Variants in KCNH7 observed in about 807,000 individuals in gnomAD.
KCNH7 encodes the protein potassium voltage-gated channel subfamily H member 7.
In KCNH7, 49 loss-of-function variants were observed where a neutral mutation model predicts 120.8. That is an observed-to-expected ratio of 0.41 (90% CI 0.32 to 0.51). The LOEUF (loss-of-function observed/expected upper bound fraction) is 0.51, where lower values mean the gene tolerates loss of function less well. Ranked by LOEUF, KCNH7 falls within the 20% of genes least tolerant of loss-of-function variation. The probability of loss-of-function intolerance (pLI) is 0.38; values close to 1 mark genes in which losing one functional copy is unlikely to be tolerated. For synonymous variants in KCNH7, 547 were observed against 516.1 expected, an observed-to-expected ratio of 1.06 and a Z score of -0.81; for missense variants, 1,097 against 1,446.6, an observed-to-expected ratio of 0.76 and a Z score of 3.92.
chr2:162,726,727 C>A (rs957577150), intron 2 of KCNH7, among the ~76,000 whole-genome samples: 3 of 152,120 alleles, frequency 2.0e-5, no homozygotes, highest in African/African-American at 7.2e-5. Flanking sequence ...GCCTATTATT[C>A]TTTTTTAATG....
rs1339333700 is a variant in KCNH7, at chr2:162,379,917, C to T, written c.3067G>A (p.Glu1023Lys). Residue 1023 changes from glutamate (E) to lysine (K), a missense_variant, in exon 14 of 16, where the codon GAA becomes AAA. Glu to Lys is a moderately conservative substitution (Grantham distance 56, BLOSUM62 1). Around this residue, in one of 8 missense-constraint regions of KCNH7, gnomAD observed 406 missense variants for 410.5 expected, o/e 0.99. Coordinates refer to ENST00000332142, the MANE Select transcript of KCNH7 (RefSeq NM_033272.4). The stretch of plus-strand genomic sequence containing the variant: ...ACTTCCCCGTAGGTGAGGTCGCTTT[C>T]GGTTTCAGAGATACCCCAGGCAGCT... ...QRAAWGISET[E>K]SDLTYGEVEQ... is the part of the protein sequence containing the mutation. The T allele has an allele frequency of 3.7e-6, 6 of 1,613,864 alleles. No homozygotes were observed. Among genetic ancestry groups the T allele is most frequent in the Admixed American group, 1.7e-5 (1 of 59,976 alleles).
Position 162,813,758 on chromosome 2 carries a change from G to T in KCNH7, c.307+22779C>A, listed in dbSNP as rs574677764. On this transcript the variant is annotated intron_variant, in intron 2 of 15. Coordinates refer to ENST00000332142, the MANE Select transcript of KCNH7 (RefSeq NM_033272.4). The stretch of plus-strand genomic sequence containing the variant: ...CATGCCCTAGCTTTATTTAGGATTA[G>T]AAGAAATGAGTTCCAGTGAATTGTA... 8.5e-5 allele frequency among the ~76,000 whole-genome samples: 13 copies of T among 152,202 alleles called. No homozygotes were observed. The South Asian group carries it at 2.1e-3, about 24-fold the overall frequency.
chr2:162,780,023 A>G (rs1178282302), intron 2 of KCNH7, among the ~76,000 whole-genome samples: 1 of 152,202 alleles, frequency 6.6e-6, no homozygotes, highest in Non-Finnish European at 1.5e-5. Flanking sequence ...TAGTGGTGCA[A>G]ATGGATTCAA....
chr2:162,626,452 G>A (rs1683561733), intron 2 of KCNH7, among the ~76,000 whole-genome samples: 1 of 152,084 alleles, frequency 6.6e-6, no homozygotes, highest in South Asian at 2.1e-4. Flanking sequence ...AGAGAAAACT[G>A]GAATTCTGAA....
chr2:162,630,479 A>T (rs1683726362), intron 2 of KCNH7, among the ~76,000 whole-genome samples: 1 of 152,022 alleles, frequency 6.6e-6, no homozygotes, highest in African/African-American at 2.4e-5. Context: ...AAAAAAAGAC[A>T]TGGAAAAAAA....
In KCNH7 at chr2:162,517,749, T is replaced by C; in HGVS notation, c.873A>G (p.Arg291=). The part of the protein sequence containing the change: ...GFGVHPKNIF[R]DRHASEDNGR... ...ACATACCTTCGCTGGCATGTCGGTC[T>C]CTAAATATGTTCTTGGGGTGGACGC... Residue 291 remains arginine (R), a synonymous_variant, in exon 4 of 16, where the codon AGA becomes AGG. Coordinates refer to ENST00000332142, the MANE Select transcript of KCNH7 (RefSeq NM_033272.4). 1 of 1,564,794 alleles carries C rather than the reference T, an allele frequency of 6.4e-7. No individual in the cohort carries two copies. Among genetic ancestry groups the C allele is most frequent in the Non-Finnish European group, 8.7e-7 (1 of 1,148,348 alleles).
chr2:162,527,873 T>G (rs1691767622), intron 3 of KCNH7: 1 of 152,028 alleles, frequency 6.6e-6, no homozygotes, highest in Non-Finnish European at 1.5e-5. Context: ...TAAAATTTAT[T>G]TTTATAGTTC....
At chr2:162,788,257 T>A (rs963273618) in intron 2 of KCNH7, among the ~76,000 whole-genome samples, 1 of 152,232 alleles carries the variant, frequency 6.6e-6, no homozygotes, top group African/African-American at 2.4e-5. Flanking sequence ...AATGCAGTTT[T>A]GACTTATGAT....
intron 2 of KCNH7, among the ~76,000 whole-genome samples, chr2:162,622,553 C>T (rs1683400826): frequency 6.6e-6 from 1 of 152,086 alleles, no homozygotes; most frequent in South Asian, 2.1e-4. Flanking sequence ...CAGTACTTCC[C>T]TTGGTTTCAA....
At chr2:162,472,110 T>C (rs965963299) in intron 6 of KCNH7, among the ~76,000 whole-genome samples, 10 of 152,146 alleles carry the variant, frequency 6.6e-5, no homozygotes, top group African/African-American at 1.7e-4. Context: ...AAGACTTAAA[T>C]GTTAGACCTA....
chr2:162,664,930 C>T (rs1285652413), intron 2 of KCNH7, among the ~76,000 whole-genome samples: 1 of 152,140 alleles, frequency 6.6e-6, no homozygotes, highest in Non-Finnish European at 1.5e-5. Flanking sequence ...AACTTGTTTA[C>T]ATCAGGCCCC....
At chr2:162,798,855 G>A (rs752266726) in intron 2 of KCNH7, among the ~76,000 whole-genome samples, 16 of 151,878 alleles carry the variant, frequency 1.1e-4, no homozygotes, top group Admixed American at 2.6e-4. Context: ...AATGAAAAGC[G>A]ACCCCCACCT....
At chr2:162,497,333 T>C (rs73971792) in intron 6 of KCNH7, among the ~76,000 whole-genome samples, 3,394 of 152,220 alleles carry the variant, frequency 0.022, 132 homozygotes, top group African/African-American at 0.077. Context: ...TTTCTGTAAC[T>C]GTGCAGCATA....
At chr2:162,638,649 T>G (rs1011926108) in intron 2 of KCNH7, among the ~76,000 whole-genome samples, 1 of 152,084 alleles carries the variant, frequency 6.6e-6, no homozygotes, top group African/African-American at 2.4e-5. Context: ...CAATATGTAC[T>G]AGAAAAATGG....
chr2:162,581,096 T>C (rs1693850843), intron 2 of KCNH7, among the ~76,000 whole-genome samples: 1 of 152,006 alleles, frequency 6.6e-6, no homozygotes, highest in Admixed American at 6.6e-5. Flanking sequence ...GAAGTGGCCA[T>C]AGTGGGTAAT....
At chr2:162,464,731 G>A (rs1016547918) in intron 6 of KCNH7, among the ~76,000 whole-genome samples, 9 of 151,886 alleles carry the variant, frequency 5.9e-5, no homozygotes, top group South Asian at 2.1e-4. Flanking sequence ...CAAATTTTAC[G>A]TGGTAAACAG....
At chr2:162,539,782 A>C (rs1300614523) in intron 2 of KCNH7, among the ~76,000 whole-genome samples, 1 of 152,096 alleles carries the variant, frequency 6.6e-6, no homozygotes, top group African/African-American at 2.4e-5. Context: ...TCACATTCAC[A>C]TACTTTTCTC....
At chr2:162,430,817 G>A (rs958120484) in intron 8 of KCNH7, among the ~76,000 whole-genome samples, 1 of 151,574 alleles carries the variant, frequency 6.6e-6, no homozygotes, top group African/African-American at 2.4e-5. Flanking sequence ...GTCAGAAATG[G>A]AATACATTTG....
At chr2:162,514,739 T>C (rs879397729) in intron 4 of KCNH7, among the ~76,000 whole-genome samples, 4 of 151,778 alleles carry the variant, frequency 2.6e-5, no homozygotes, top group African/African-American at 7.2e-5. Context: ...AGTGATGAAT[T>C]AGAAAACAAA....
Sources: gnomAD v4.1 joint callset for allele counts (sites outside exome capture counted in the v4.1 genomes callset) on GRCh38, gnomAD v4.1.1 for gene constraint, gnomAD v4.1.1 regional missense constraint, MANE v1.5 for transcripts, NCBI Gene and HGNC (gene_info 2026-07-23, HGNC 2026-07-21) for gene names.